Variants in SCFD2 observed in about 807,000 individuals in gnomAD.
SCFD2 encodes the protein sec1 family domain-containing protein 2.
A neutral mutation model predicts 58.9 loss-of-function variants in SCFD2; 54 were observed. The observed-to-expected ratio is 0.92, with a 90% CI of 0.74 to 1.15. The LOEUF is 1.15. SCFD2 is among the 50% of genes most tolerant of loss of function. The pLI is 0.00. For missense variants in SCFD2, 805 were observed against 836.6 expected, an observed-to-expected ratio of 0.96 and a Z score of 0.47; for synonymous variants, 321 against 335.9, an observed-to-expected ratio of 0.96 and a Z score of 0.49.
At chr4:53,331,597 G>C (rs1208294857) in intron 2 of SCFD2, among the ~76,000 whole-genome samples, 1 of 152,144 alleles carries the variant, frequency 6.6e-6, no homozygotes, top group Non-Finnish European at 1.5e-5. Context: ...ATTCAAAGCA[G>C]TGTGTAGAGG....
Position 53,023,504 on chromosome 4 carries a change from G to C in SCFD2, c.1562-102634C>G, listed in dbSNP as rs973539511. On this transcript the variant is annotated intron_variant, in intron 5 of 8. Coordinates refer to ENST00000401642, the MANE Select transcript of SCFD2 (RefSeq NM_152540.4). The stretch of plus-strand genomic sequence containing the variant: ...GGGTGGGCAGATTGCTGTGATATTA[G>C]ACCCCTTCCTCTCCTCACAATCCCA... Among the ~76,000 whole-genome samples the C allele has an allele frequency of 3.3e-5, 5 of 152,032 alleles. 1 individual carries two copies. Among genetic ancestry groups the C allele is most frequent in the Admixed American group, 2.0e-4 (3 of 15,254 alleles).
chr4:53,270,893 A>G (rs1045876051), intron 4 of SCFD2, among the ~76,000 whole-genome samples: 1 of 152,204 alleles, frequency 6.6e-6, no homozygotes, highest in Non-Finnish European at 1.5e-5. Flanking sequence ...GGATCTTAGT[A>G]TATTACATAT....
chr4:53,217,993 C>A (rs575204043), intron 4 of SCFD2, among the ~76,000 whole-genome samples: 149 of 152,300 alleles, frequency 9.8e-4, no homozygotes, highest in African/African-American at 3.4e-3. Context: ...TGGCTTGTAG[C>A]GTTTCTGCCA....
At chr4:53,070,266 T>G (rs1723778583) in intron 5 of SCFD2, among the ~76,000 whole-genome samples, 2 of 152,092 alleles carry the variant, frequency 1.3e-5, no homozygotes, top group South Asian at 4.1e-4. Flanking sequence ...TTTGACATTT[T>G]ATGTGTTGTT....
intron 4 of SCFD2, 41 bp downstream of exon 4, chr4:53,273,785 A>G: frequency 1.3e-6 from 2 of 1,535,158 alleles, no homozygotes; most frequent in Non-Finnish European, 1.8e-6. Flanking sequence ...AAGTCAAAAC[A>G]TTAATTATTA....
At chr4:53,279,370 C>T (rs142364594) in intron 3 of SCFD2, among the ~76,000 whole-genome samples, 402 of 152,292 alleles carry the variant, frequency 2.6e-3, no homozygotes, top group African/African-American at 9.2e-3. Flanking sequence ...AATCCTCCCA[C>T]CTCCCAAAGT....
In SCFD2 at chr4:52,873,995, G is replaced by A. The variant is rs375179896; in HGVS notation, c.2029C>T (p.Arg677Ter). ...CAGAAGCCAAGGTCTGGATGCAGTC[G>A]GTCAGTTGCAAATAACAGCTCAGGA... is the stretch of plus-strand genomic sequence containing the variant. ...NIPELLFATD[R>*]LHPDLGF Residue 677 changes from arginine to a stop codon, truncating the protein, a stop_gained, in exon 9 of 9, where the codon CGA becomes TGA. Coordinates refer to ENST00000401642, the MANE Select transcript of SCFD2 (RefSeq NM_152540.4). LOFTEE classifies it high-confidence loss of function. 1.9e-5 allele frequency: 30 copies of A among 1,613,772 alleles called. No individual in the cohort carries two copies. The highest frequency in any genetic ancestry group is 1.2e-4 in the South Asian group (11 of 91,066).
At chr4:53,007,244 A>G (rs1467038864) in intron 5 of SCFD2, among the ~76,000 whole-genome samples, 46 of 141,280 alleles carry the variant, frequency 3.3e-4, no homozygotes, top group African/African-American at 1.2e-3. Context: ...GTGCCACTGC[A>G]CTGCAGCCTT....
intron 7 of SCFD2, among the ~76,000 whole-genome samples, chr4:52,905,721 G>T (rs1015615303): frequency 2.0e-5 from 3 of 152,200 alleles, no homozygotes; most frequent in Non-Finnish European, 4.4e-5. Flanking sequence ...ATCTTCCTAG[G>T]TGGAACCTGC....
chr4:53,240,824 T>A (rs879701667), intron 4 of SCFD2, among the ~76,000 whole-genome samples: 3 of 152,042 alleles, frequency 2.0e-5, no homozygotes, highest in Non-Finnish European at 4.4e-5. Flanking sequence ...GTGCCTTGAG[T>A]TCGATTTCTT....
At chr4:53,223,156 G>C (rs889874710) in intron 4 of SCFD2, among the ~76,000 whole-genome samples, 1 of 152,108 alleles carries the variant, frequency 6.6e-6, no homozygotes, top group Non-Finnish European at 1.5e-5. Flanking sequence ...CTAAAAATAT[G>C]GCTTGGCCTG....
At chr4:53,346,203 C>T (rs1192180457) in intron 2 of SCFD2, among the ~76,000 whole-genome samples, 1 of 151,602 alleles carries the variant, frequency 6.6e-6, no homozygotes, top group African/African-American at 2.4e-5. Context: ...GACTGAAGTA[C>T]TAAAATGAAG....
chr4:52,909,193 C>CATAGAG (rs1283213700), intron 6 of SCFD2, among the ~76,000 whole-genome samples: 1 of 152,166 alleles, frequency 6.6e-6, no homozygotes, highest in Non-Finnish European at 1.5e-5. Context: ...ATAGCAATCA[C>CATAGAG]ACTCCTAGTC....
At chr4:52,999,463 G>T (rs1189238126) in intron 5 of SCFD2, among the ~76,000 whole-genome samples, 1 of 152,188 alleles carries the variant, frequency 6.6e-6, no homozygotes, top group East Asian at 1.9e-4. Context: ...ACTGTGGGAG[G>T]TATCAACATG....
chr4:52,915,237 A>G (rs1719574740), intron 6 of SCFD2, among the ~76,000 whole-genome samples: 1 of 152,228 alleles, frequency 6.6e-6, no homozygotes, highest in Admixed American at 6.5e-5. Context: ...TTGTGGCCAC[A>G]GTCACATCTC....
At chr4:53,012,214 C>T (rs1277739714) in intron 5 of SCFD2, among the ~76,000 whole-genome samples, 1 of 152,090 alleles carries the variant, frequency 6.6e-6, no homozygotes, top group African/African-American at 2.4e-5. Flanking sequence ...TGACTCACCC[C>T]TTGACAAGAG....
intron 5 of SCFD2, among the ~76,000 whole-genome samples, chr4:53,029,740 C>T (rs908127167): frequency 6.6e-6 from 1 of 152,146 alleles, no homozygotes; most frequent in Admixed American, 6.5e-5. Flanking sequence ...GAAAAATAAT[C>T]TTTTCAATAA....
At chr4:53,146,748 G>C (rs1360567020) in intron 4 of SCFD2, among the ~76,000 whole-genome samples, 3 of 152,184 alleles carry the variant, frequency 2.0e-5, no homozygotes, top group Non-Finnish European at 2.9e-5. Flanking sequence ...TTGAGACAGA[G>C]ATAGAGAGAG....
chr4:53,336,865 T>C (rs939478765), intron 2 of SCFD2, among the ~76,000 whole-genome samples: 6 of 152,130 alleles, frequency 3.9e-5, no homozygotes, highest in East Asian at 1.9e-4. Flanking sequence ...GGTTTCTCCA[T>C]ACAATAAGCA....
Sources: gnomAD v4.1 joint callset for allele counts (sites outside exome capture counted in the v4.1 genomes callset) on GRCh38, gnomAD v4.1.1 for gene constraint, MANE v1.5 for transcripts, NCBI Gene and HGNC (gene_info 2026-07-23, HGNC 2026-07-21) for gene names.